Variants in CAST observed in about 807,000 individuals in gnomAD.
The protein encoded by CAST is MIR583 host.
In CAST, 76 loss-of-function variants were observed where a neutral mutation model predicts 119.6. The observed-to-expected ratio is 0.64, with a 90% CI of 0.53 to 0.77. The LOEUF is 0.77. CAST is among the 30% of genes least tolerant of loss of function. CAST has a pLI of 0.00. For synonymous variants in CAST, 319 were observed against 331.6 expected (o/e 0.96, Z 0.41); for missense variants, 953 against 946.5 (o/e 1.01, Z -0.09).
the CAST span, among the ~76,000 whole-genome samples, chr5:95,962,225 C>T: frequency 6.6e-6 from 1 of 152,220 alleles, no homozygotes; most frequent in Non-Finnish European, 1.5e-5. Context: ...AGTGAAAAGT[C>T]AGAATTGGGG....
the CAST span, among the ~76,000 whole-genome samples, chr5:96,421,687 C>A: frequency 6.6e-6 from 1 of 151,964 alleles, no homozygotes; most frequent in African/African-American, 2.4e-5. Context: ...AAATATGGTT[C>A]TATAAACCAA....
chr5:96,707,852 C>G (rs1336274784), intron 3 of CAST, among the ~76,000 whole-genome samples: 1 of 151,642 alleles, frequency 6.6e-6, no homozygotes, highest in African/African-American at 2.4e-5. Context: ...CTCAGGGCCT[C>G]CAGAGTTGCC....
At chr5:96,015,437 A>G in the CAST span, among the ~76,000 whole-genome samples, 17 of 152,282 alleles carry the variant, frequency 1.1e-4, no homozygotes, top group African/African-American at 4.1e-4. Context: ...TTTAGAAAAC[A>G]TGTTTTAGAA....
the CAST span, among the ~76,000 whole-genome samples, chr5:96,070,201 CA>C: frequency 1.3e-5 from 2 of 152,262 alleles, no homozygotes; most frequent in Admixed American, 1.3e-4. Flanking sequence ...TATCCCTAGT[CA>C]AGTAATTATT....
At chr5:96,079,472 C>G in the CAST span, among the ~76,000 whole-genome samples, 2 of 152,036 alleles carry the variant, frequency 1.3e-5, no homozygotes, top group Admixed American at 6.6e-5. Flanking sequence ...GAAGAGATAT[C>G]TTGGGATAAA....
chr5:96,596,658 A>T (rs985559443), intron 1 of CAST, among the ~76,000 whole-genome samples: 2 of 152,166 alleles, frequency 1.3e-5, no homozygotes, highest in African/African-American at 4.8e-5. Context: ...TTGCTGTGAG[A>T]TGCTTTCTTC....
chr5:96,652,135 T>G (rs1376226065), intron 1 of CAST, among the ~76,000 whole-genome samples: 3 of 152,192 alleles, frequency 2.0e-5, no homozygotes, highest in Non-Finnish European at 4.4e-5. Flanking sequence ...GAGCAGATCT[T>G]CCTGCAGTGG....
the CAST span, among the ~76,000 whole-genome samples, chr5:96,465,563 G>A: frequency 2.6e-5 from 4 of 152,020 alleles, no homozygotes; most frequent in Non-Finnish European, 4.4e-5. Context: ...TATTTTCAAA[G>A]TACATGTGAT....
chr5:96,754,521 A>G (rs1239319934), intron 21 of CAST, 137 bp from the exon 22 acceptor site: 1 of 637,822 alleles, frequency 1.6e-6, no homozygotes, highest in East Asian at 2.7e-5. Context: ...AAGTTGCTGT[A>G]GGAGCACTAA....
At chr5:96,315,943 A>C in the CAST span, among the ~76,000 whole-genome samples, 1 of 152,160 alleles carries the variant, frequency 6.6e-6, no homozygotes, top group Non-Finnish European at 1.5e-5. Context: ...ATGAGAGAGA[A>C]GCTGTTGTGG....
At chr5:96,428,472 A>G in the CAST span, among the ~76,000 whole-genome samples, 1 of 152,236 alleles carries the variant, frequency 6.6e-6, no homozygotes, top group African/African-American at 2.4e-5. Context: ...ATTTTCTAAT[A>G]TGTTTGTTGA....
the CAST span, among the ~76,000 whole-genome samples, chr5:96,022,085 G>A: frequency 6.6e-6 from 1 of 152,118 alleles, no homozygotes; most frequent in African/African-American, 2.4e-5. Context: ...AAAGAATCTA[G>A]AGATGATTTA....
chr5:96,509,222 T>G, the CAST span, among the ~76,000 whole-genome samples: 1 of 152,114 alleles, frequency 6.6e-6, no homozygotes, highest in South Asian at 2.1e-4. Flanking sequence ...ACCCAGTAAA[T>G]AGCCAAGAGG....
chr5:96,729,941 G>A (rs929862061), intron 8 of CAST, among the ~76,000 whole-genome samples: 2 of 152,214 alleles, frequency 1.3e-5, no homozygotes, highest in Non-Finnish European at 2.9e-5. Flanking sequence ...GATTGGTCTA[G>A]GGGATGCGCT....
the CAST span, among the ~76,000 whole-genome samples, chr5:96,354,544 T>C: frequency 5.3e-5 from 8 of 152,062 alleles, no homozygotes; most frequent in African/African-American, 1.9e-4. Context: ...TATGGAGATG[T>C]TGAAATGTAA....
intron 1 of CAST, among the ~76,000 whole-genome samples, chr5:96,664,464 G>A (rs1749059448): frequency 6.6e-6 from 1 of 151,562 alleles, no homozygotes; most frequent in African/African-American, 2.4e-5. Context: ...CTCTCACTAT[G>A]TTGCCCAGGC....
chr5:96,312,904 G>A, the CAST span, among the ~76,000 whole-genome samples: 1 of 151,992 alleles, frequency 6.6e-6, no homozygotes, highest in Admixed American at 6.6e-5. Flanking sequence ...TTTTCTCAAA[G>A]ATGGTACATA....
At chr5:96,591,002 T>C (rs1746953220) in intron 1 of CAST, among the ~76,000 whole-genome samples, 1 of 152,198 alleles carries the variant, frequency 6.6e-6, no homozygotes, top group South Asian at 2.1e-4. Flanking sequence ...ACAATCCCTG[T>C]TCTCCATAGT....
the CAST span, among the ~76,000 whole-genome samples, chr5:96,012,965 G>A: frequency 6.6e-6 from 1 of 152,106 alleles, no homozygotes; most frequent in Non-Finnish European, 1.5e-5. Context: ...GTTATTCCAG[G>A]CACTGAAGCC....
Sources: allele counts gnomAD v4.1 joint callset (sites outside exome capture counted in the v4.1 genomes callset), GRCh38; gene constraint gnomAD v4.1.1; transcripts MANE v1.5; gene names NCBI Gene and HGNC (gene_info 2026-07-23, HGNC 2026-07-21).